PRPH2: variants seen among roughly 807,000 people sequenced by gnomAD.
The protein encoded by PRPH2 is peripherin 2.
PRPH2 carries 17 observed loss-of-function variants against 31.3 expected under a neutral mutation model. That is an observed-to-expected ratio of 0.54 (90% CI 0.37 to 0.81). PRPH2 has a LOEUF of 0.81. Among genes scored for constraint, PRPH2 ranks in the 40% least tolerant of loss-of-function variants. The pLI is 0.00. For missense variants in PRPH2, 430 were observed against 439.7 expected (o/e 0.98, Z 0.20); for synonymous variants, 165 against 184.4 (o/e 0.89, Z 0.85).
At chr6:42,719,338 C>A (rs952149528) in intron 1 of PRPH2, among the ~76,000 whole-genome samples, 1 of 151,790 alleles carries the variant, frequency 6.6e-6, no homozygotes, top group East Asian at 1.9e-4. Context: ...CCACACCCAG[C>A]TAATTTTCTG....
intron 1 of PRPH2, chr6:42,711,849 C>T (rs1761648877): frequency 1.0e-6 from 1 of 985,270 alleles, no homozygotes; most frequent in African/African-American, 1.7e-5. Flanking sequence ...GCTGGGCCTT[C>T]CTGGCTGGTA....
chr6:42,715,362 C>G (rs1761756837), intron 1 of PRPH2, among the ~76,000 whole-genome samples: 1 of 152,140 alleles, frequency 6.6e-6, no homozygotes, highest in African/African-American at 2.4e-5. Context: ...AGTCACTGGG[C>G]TACTCCCCTA....
chr6:42,712,903 G>C (rs1399554527), intron 1 of PRPH2, among the ~76,000 whole-genome samples: 1 of 151,892 alleles, frequency 6.6e-6, no homozygotes, highest in Non-Finnish European at 1.5e-5. Flanking sequence ...AGTCGGAAAT[G>C]CAATAAAATA....
chr6:42,698,525 G>A lies in PRPH2; in HGVS notation c.829-18C>T, dbSNP rs551098403. 171 of 1,613,988 alleles carry A rather than the reference G, an allele frequency of 1.1e-4. 1 individual carries two copies. The South Asian group carries it at 1.8e-3, about 17-fold the overall frequency. On this transcript the variant is annotated intron_variant, in intron 2 of 2. Coordinates refer to ENST00000230381, the MANE Select transcript of PRPH2 (RefSeq NM_000322.5). ...ATGGTCACCTGGTGGTGGGAGAGGAGATTTAGAGGCAATCTGGGAGAATCG... is the reference window on the plus strand; with the variant it reads ...ATGGTCACCTGGTGGTGGGAGAGGAAATTTAGAGGCAATCTGGGAGAATCG...
rs1761919669 is a variant in PRPH2, at chr6:42,722,269, G to A, written c.66C>T (p.Leu22=). The A allele has an allele frequency of 6.2e-7, 1 of 1,614,060 alleles. No individual in the cohort carries two copies. Among genetic ancestry groups the A allele is most frequent in the African/African-American group, 1.3e-5 (1 of 74,932 alleles). ...CAGCCAACACGGAGAACCAGTTCAT[G>A]AGCCAGAGCCCTTGGGCCAACTTGA... ...KRVKLAQGLW[L]MNWFSVLAGI... is the part of the protein sequence containing the mutation. Residue 22 remains leucine, a synonymous_variant, in exon 1 of 3, where the codon CTC becomes CTT. Coordinates refer to ENST00000230381, the MANE Select transcript of PRPH2 (RefSeq NM_000322.5). This position sits in a 1 kb window ranked among gnomAD's most constrained non-coding sequence, Gnocchi z 4.4.
At chr6:42,709,334 T>TAAAAAAAAAAC (rs1800231520) in intron 1 of PRPH2, among the ~76,000 whole-genome samples, 1 of 77,048 alleles carries the variant, frequency 1.3e-5, no homozygotes, top group Non-Finnish European at 2.6e-5. Flanking sequence ...TGTCTCAAAT[T>TAAAAAAAAAAC]AAAAAAAAAA....
intron 2 of PRPH2, among the ~76,000 whole-genome samples, chr6:42,702,869 CA>C (rs879560328): frequency 7.2e-6 from 1 of 139,578 alleles, no homozygotes; most frequent in Non-Finnish European, 1.6e-5. Flanking sequence ...GACTTCATCT[CA>C]AAAAAAAAGA....
chr6:42,719,757 C>CG (rs1427028780), intron 1 of PRPH2, among the ~76,000 whole-genome samples: 1 of 151,122 alleles, frequency 6.6e-6, no homozygotes, highest in East Asian at 2.0e-4. Context: ...TTAGTAGAGA[C>CG]GGGGTTTCTC....
chr6:42,707,653 G>A (rs955270984), intron 1 of PRPH2, among the ~76,000 whole-genome samples: 1 of 152,176 alleles, frequency 6.6e-6, no homozygotes, highest in South Asian at 2.1e-4. Context: ...GAAGTTGAGC[G>A]TCTTTTGGTG....
At chr6:42,700,755 G>C (rs1196410418) in intron 2 of PRPH2, among the ~76,000 whole-genome samples, 1 of 152,078 alleles carries the variant, frequency 6.6e-6, no homozygotes, top group Admixed American at 6.6e-5. Flanking sequence ...CTCCTGACTG[G>C]ATTGTGAAGC....
Position 42,696,996 on chromosome 6 carries a change from G to A in PRPH2, c.*1299C>T, listed in dbSNP as rs535380944. The A allele has an allele frequency of 1.6e-4, 25 of 152,200 alleles. No individual in the cohort carries two copies. Among genetic ancestry groups the A allele is most frequent in the African/African-American group, 5.8e-4 (24 of 41,502 alleles). The allele number at this position is 152,200 out of a possible 1,614,324, so 9.4% of individuals were successfully genotyped here. A position where few individuals can be genotyped will look rare whatever the true frequency, so the allele number is the denominator to read the frequency against. On this transcript the variant is annotated 3_prime_UTR_variant, in exon 3 of 3. Coordinates refer to ENST00000230381, the MANE Select transcript of PRPH2 (RefSeq NM_000322.5). ...CCAAACACCATCGGTCAGAAGCAGAGGTAAGTTATGGACTGTTCCCTTTCT... is the reference window on the plus strand; with the variant it reads ...CCAAACACCATCGGTCAGAAGCAGAAGTAAGTTATGGACTGTTCCCTTTCT...
chr6:42,704,193 A>T (rs1415571438), intron 2 of PRPH2, among the ~76,000 whole-genome samples, 172 bp downstream of exon 2: 1 of 152,120 alleles, frequency 6.6e-6, no homozygotes, highest in Non-Finnish European at 1.5e-5. Context: ...ATAAATACAA[A>T]AGGTGGAGGC....
chr6:42,698,014 G>A lies in PRPH2; in HGVS notation c.*281C>T. 2.1e-6 allele frequency: 1 copy of A among 469,914 alleles called. No individual in the cohort carries two copies. Among genetic ancestry groups the A allele is most frequent in the Non-Finnish European group, 3.9e-6 (1 of 256,538 alleles). The allele number at this position is 469,914 out of a possible 1,614,324, so 29.1% of individuals were successfully genotyped here. ...GGTCCTGGGCTAGTCGTCTGAGACA[G>A]CCCCCGAGTCACCAGGAGGGCATAT... On this transcript the variant is annotated 3_prime_UTR_variant, in exon 3 of 3. Transcript: ENST00000230381.
At chr6:42,716,779 C>T (rs1761791189) in intron 1 of PRPH2, among the ~76,000 whole-genome samples, 1 of 150,894 alleles carries the variant, frequency 6.6e-6, no homozygotes, top group African/African-American at 2.4e-5. Flanking sequence ...TGCCACTACA[C>T]CTGGTTAATT....
At position 42,698,923 on chromosome 6, in the gene PRPH2, G is replaced by T. The variant is rs74799602; in HGVS notation, c.829-416C>A. On this transcript the variant is annotated intron_variant, in intron 2 of 2. Coordinates refer to ENST00000230381, the MANE Select transcript of PRPH2 (RefSeq NM_000322.5). ...TCCCCTCGGGTCGCCCCCATCCCAG[G>T]TGCATTATTCCTGGGTGCCTTCACC... Among the ~76,000 whole-genome samples the T allele has an allele frequency of 1.6e-3, 250 of 152,106 alleles. 1 individual carries two copies. The highest frequency in any genetic ancestry group is 5.6e-3 in the African/African-American group (233 of 41,488).
chr6:42,702,862 T>A (rs1236452632), intron 2 of PRPH2, among the ~76,000 whole-genome samples: 3 of 150,094 alleles, frequency 2.0e-5, no homozygotes, highest in African/African-American at 7.4e-5. Flanking sequence ...AGAGCAAGAC[T>A]TCATCTCAAA....
chr6:42,710,364 C>T (rs1487356520), intron 1 of PRPH2, among the ~76,000 whole-genome samples: 1 of 152,194 alleles, frequency 6.6e-6, no homozygotes, highest in Non-Finnish European at 1.5e-5. Flanking sequence ...CCAGGTCAGC[C>T]TGGGGGAAAA....
At chr6:42,703,907 C>A (rs1318804137) in intron 2 of PRPH2, among the ~76,000 whole-genome samples, 2 of 152,122 alleles carry the variant, frequency 1.3e-5, no homozygotes, top group East Asian at 3.9e-4. Context: ...CGAGACCATC[C>A]TGGCTAATGC....
chr6:42,712,575 T>G (rs1761688182), intron 1 of PRPH2, among the ~76,000 whole-genome samples: 1 of 152,112 alleles, frequency 6.6e-6, no homozygotes, highest in Non-Finnish European at 1.5e-5. Context: ...TATTGATATT[T>G]GTTCCTAGGT....
Sources: allele counts gnomAD v4.1 joint callset (sites outside exome capture counted in the v4.1 genomes callset), GRCh38; gene constraint gnomAD v4.1.1; non-coding constraint Gnocchi (gnomAD v3.1); transcripts MANE v1.5; gene names NCBI Gene and HGNC (gene_info 2026-07-23, HGNC 2026-07-21).